The following BCAS3 variants were observed in gnomAD, a reference collection of about 807,000 sequenced individuals.
The protein encoded by BCAS3 is BCAS4/BCAS3 fusion.
A neutral mutation model predicts 116.1 loss-of-function variants in BCAS3; 53 were observed. The observed-to-expected ratio is 0.46, with a 90% confidence interval of 0.37 to 0.57. The LOEUF (loss-of-function observed/expected upper bound fraction) is 0.57, where lower values mean the gene tolerates loss of function less well. BCAS3 is among the 20% of genes least tolerant of loss of function. The pLI is 0.00. For synonymous variants in BCAS3, 391 were observed against 408.2 expected (o/e 0.96, Z 0.51); for missense variants, 917 against 1,165.4 (o/e 0.79, Z 3.10).
chr17:60,749,688 T>C (rs1283722342), intron 6 of BCAS3, among the ~76,000 whole-genome samples: 2 of 152,222 alleles, frequency 1.3e-5, no homozygotes, highest in Non-Finnish European at 2.9e-5. Context: ...GTTATGTTTT[T>C]CTTATCCTAT....
intron 22 of BCAS3, among the ~76,000 whole-genome samples, chr17:61,234,164 A>T (rs1378423764): frequency 6.6e-6 from 1 of 152,238 alleles, no homozygotes; most frequent in Admixed American, 6.5e-5. Context: ...CCCAGAATGC[A>T]TGGAGCAAGA....
In BCAS3 at chr17:61,325,246, T is replaced by C. The variant is rs773870058; in HGVS notation, c.2426-43081T>C. Among the ~76,000 whole-genome samples the C allele has an allele frequency of 2.6e-5, 4 of 152,224 alleles. No individual in the cohort carries two copies. The highest frequency in any genetic ancestry group is 4.4e-5 in the Non-Finnish European group (3 of 68,040). ...GACAGAATCGCACTTGTGTGGCTGA[T>C]AGAGACCATTGCAAGTAACTAACAA... On this transcript the variant is annotated intron_variant, in intron 22 of 23. Coordinates refer to ENST00000407086, the MANE Select transcript of BCAS3 (RefSeq NM_017679.5). The surrounding 1 kb of genome is among the most constrained non-coding windows in gnomAD (Gnocchi z 6.4).
rs1349524577 is a variant in BCAS3, at chr17:61,366,811, A to G, written c.2426-1516A>G. Among the ~76,000 whole-genome samples, 1 of 152,222 alleles carries G rather than the reference A, an allele frequency of 6.6e-6. No homozygotes were observed. Among genetic ancestry groups the G allele is most frequent in the East Asian group, 1.9e-4 (1 of 5,188 alleles). On this transcript the variant is annotated intron_variant, in intron 22 of 23. Transcript: ENST00000407086. This position sits in a 1 kb window ranked among gnomAD's most constrained non-coding sequence, Gnocchi z 4.5. ...CCTACAATTAGGTACGAGATAAATC[A>G]AAGCCAAACTTGGCTGACGAAATTC...
chr17:60,748,613 G>T (rs2042195763), intron 6 of BCAS3, among the ~76,000 whole-genome samples: 1 of 152,180 alleles, frequency 6.6e-6, no homozygotes, highest in Non-Finnish European at 1.5e-5. Flanking sequence ...TTCTCTGTGT[G>T]TAATTCACAG....
At chr17:60,750,619 C>T (rs2042381699) in intron 6 of BCAS3, among the ~76,000 whole-genome samples, 1 of 152,210 alleles carries the variant, frequency 6.6e-6, no homozygotes, top group Non-Finnish European at 1.5e-5. Flanking sequence ...AGCAGTGCTG[C>T]TGCATAGAAG....
Position 60,893,815 on chromosome 17 carries a change from G to A in BCAS3, c.738+4044G>A, listed in dbSNP as rs147487624. 2.0e-3 allele frequency among the ~76,000 whole-genome samples: 309 copies of A among 151,922 alleles called. 2 individuals are homozygous for A. The highest frequency in any genetic ancestry group is 6.8e-3 in the African/African-American group (283 of 41,440). On this transcript the variant is annotated intron_variant, in intron 10 of 23. Transcript: ENST00000407086. Reference sequence around the variant, plus strand: ...GTAGAAATGGAGTTTTATCATGTTGGCCAGGCTGGTCTTGAACTCCTGACC... The same window carrying A: ...GTAGAAATGGAGTTTTATCATGTTGACCAGGCTGGTCTTGAACTCCTGACC...
intron 15 of BCAS3, among the ~76,000 whole-genome samples, chr17:61,001,309 C>A (rs576176761): frequency 4.0e-5 from 6 of 151,158 alleles, no homozygotes; most frequent in Non-Finnish European, 8.8e-5. Context: ...ATGAGGCATT[C>A]CTTTTACCAC....
Position 61,235,836 on chromosome 17 carries a change from T to C in BCAS3, c.2426-132491T>C, listed in dbSNP as rs566786349. The stretch of plus-strand genomic sequence containing the variant: ...CTTAACAGTAATACTAGGAAAATAA[T>C]CCTCCTCTTGTCTAGGAGTTTCTGC... On this transcript the variant is annotated intron_variant, in intron 22 of 23. Transcript: ENST00000407086. This position sits in a 1 kb window ranked among gnomAD's most constrained non-coding sequence, Gnocchi z 5.0. 2.0e-5 allele frequency among the ~76,000 whole-genome samples: 3 copies of C among 152,226 alleles called. No individual in the cohort carries two copies. The highest frequency in any genetic ancestry group is 3.9e-4 in the East Asian group (2 of 5,184).
chr17:61,276,621 A>G lies in BCAS3; in HGVS notation c.2426-91706A>G, dbSNP rs2050778674. Reference sequence around the variant, plus strand: ...ACGGCAGTGCTCCCCAAATTGATCTACAGATTCAACACAATCTCTATCAAA... The same window carrying G: ...ACGGCAGTGCTCCCCAAATTGATCTGCAGATTCAACACAATCTCTATCAAA... On this transcript the variant is annotated intron_variant, in intron 22 of 23. Coordinates refer to ENST00000407086, the MANE Select transcript of BCAS3 (RefSeq NM_017679.5). This position sits in a 1 kb window ranked among gnomAD's most constrained non-coding sequence, Gnocchi z 4.2. Among the ~76,000 whole-genome samples the G allele has an allele frequency of 6.6e-6, 1 of 152,218 alleles. No individual in the cohort carries two copies. Among genetic ancestry groups the G allele is most frequent in the Non-Finnish European group, 1.5e-5 (1 of 68,034 alleles).
chr17:60,897,530 A>G (rs1433809471), intron 10 of BCAS3, among the ~76,000 whole-genome samples: 1 of 152,158 alleles, frequency 6.6e-6, no homozygotes. Flanking sequence ...CTTCAATGTC[A>G]GGAATACTTA....
At chr17:61,121,036 T>C (rs1442159044) in intron 22 of BCAS3, among the ~76,000 whole-genome samples, 2 of 152,204 alleles carry the variant, frequency 1.3e-5, no homozygotes, top group Non-Finnish European at 2.9e-5. Flanking sequence ...AAATTGTTTA[T>C]TAGATCTGGG....
Position 61,204,217 on chromosome 17 carries a change from T to C in BCAS3, c.2425+119653T>C, listed in dbSNP as rs566629506. ...TCCCTCCTCTTTCAGTGTTTTATTT[T>C]TAAGTCAACACTTTTCTCAAGTTTA... On this transcript the variant is annotated intron_variant, in intron 22 of 23. Coordinates refer to ENST00000407086, the MANE Select transcript of BCAS3 (RefSeq NM_017679.5). This position sits in a 1 kb window ranked among gnomAD's most constrained non-coding sequence, Gnocchi z 4.2. Among the ~76,000 whole-genome samples, 1 of 152,346 alleles carries C rather than the reference T, an allele frequency of 6.6e-6. No individual in the cohort carries two copies. Among genetic ancestry groups the C allele is most frequent in the African/African-American group, 2.4e-5 (1 of 41,586 alleles).
At chr17:60,846,863 C>T (rs1294087810) in intron 7 of BCAS3, among the ~76,000 whole-genome samples, 2 of 151,880 alleles carry the variant, frequency 1.3e-5, no homozygotes, top group African/African-American at 4.8e-5. Flanking sequence ...TTAAAGTATA[C>T]AATTCAGCAG....
chr17:61,375,867 C>T (rs564683239), intron 23 of BCAS3, among the ~76,000 whole-genome samples: 15 of 152,294 alleles, frequency 9.8e-5, no homozygotes, highest in Admixed American at 2.0e-4. Flanking sequence ...GCCACCACAC[C>T]GGGCCAATTA....
chr17:60,907,342 G>A (rs571395754), intron 11 of BCAS3, among the ~76,000 whole-genome samples: 2 of 152,202 alleles, frequency 1.3e-5, no homozygotes, highest in Admixed American at 1.3e-4. Flanking sequence ...TTTCATGTGT[G>A]TTACCAGTGT....
rs147931888 is a variant in BCAS3, at chr17:61,232,520, C to T, written c.2426-135807C>T. ...AATATGTGTTGTATTCATGGCAGTTCGGCAGACCCTTGGAATATAACCTTC... is the reference window on the plus strand; with the variant it reads ...AATATGTGTTGTATTCATGGCAGTTTGGCAGACCCTTGGAATATAACCTTC... On this transcript the variant is annotated intron_variant, in intron 22 of 23. Coordinates refer to ENST00000407086, the MANE Select transcript of BCAS3 (RefSeq NM_017679.5). Among the ~76,000 whole-genome samples, 571 of 152,154 alleles carry T rather than the reference C, an allele frequency of 3.8e-3. 3 individuals carry two copies. The highest frequency in any genetic ancestry group is 0.012 in the African/African-American group (514 of 41,510).
chr17:61,280,349 T>C (rs1186780295), intron 22 of BCAS3, among the ~76,000 whole-genome samples: 2 of 152,196 alleles, frequency 1.3e-5, no homozygotes, highest in Non-Finnish European at 2.9e-5. Flanking sequence ...TCAACAGTAG[T>C]CCACCTCAAA....
At chr17:60,937,980 C>G (rs2060022255) in intron 13 of BCAS3, among the ~76,000 whole-genome samples, 1 of 152,084 alleles carries the variant, frequency 6.6e-6, no homozygotes, top group Non-Finnish European at 1.5e-5. Flanking sequence ...AACTAACACT[C>G]ATTTATCCTT....
intron 5 of BCAS3, among the ~76,000 whole-genome samples, chr17:60,714,195 T>C (rs1463425954): frequency 6.6e-6 from 1 of 152,192 alleles, no homozygotes; most frequent in Non-Finnish European, 1.5e-5. Flanking sequence ...CTTGAACTCC[T>C]GGCCTCAGGC....
Sources: allele counts gnomAD v4.1 joint callset (sites outside exome capture counted in the v4.1 genomes callset), GRCh38; gene constraint gnomAD v4.1.1; non-coding constraint Gnocchi (gnomAD v3.1); transcripts MANE v1.5; gene names NCBI Gene and HGNC (gene_info 2026-07-23, HGNC 2026-07-21).